Variants in KCTD16 observed in about 807,000 individuals in gnomAD.
KCTD16 encodes the protein BTB/POZ domain-containing protein KCTD16.
KCTD16 carries 13 observed loss-of-function variants against 33.2 expected under a neutral mutation model. The observed-to-expected ratio is 0.39, with a 90% CI of 0.25 to 0.62. KCTD16 has a LOEUF of 0.62. Ranked by LOEUF, KCTD16 falls within the 20% of genes least tolerant of loss-of-function variation. The probability of loss-of-function intolerance (pLI) is 0.50; values close to 1 mark genes in which losing one functional copy is unlikely to be tolerated. For missense variants in KCTD16, 441 were observed against 525.1 expected, an observed-to-expected ratio of 0.84 and a Z score of 1.57; for synonymous variants, 197 against 195.3, an observed-to-expected ratio of 1.01 and a Z score of -0.07.
At chr5:144,173,338 A>G (rs748731615) in intron 1 of KCTD16, among the ~76,000 whole-genome samples, 3 of 152,210 alleles carry the variant, frequency 2.0e-5, no homozygotes, top group Non-Finnish European at 2.9e-5. Flanking sequence ...GCAGGGACAT[A>G]GATGGAGCTG....
At chr5:144,424,258 C>T (rs1005708274) in intron 3 of KCTD16, among the ~76,000 whole-genome samples, 17 of 152,072 alleles carry the variant, frequency 1.1e-4, no homozygotes, top group Admixed American at 7.2e-4. Context: ...TCTAAGTGGC[C>T]GGTGAAACAT....
chr5:144,350,504 C>T (rs565907684), intron 3 of KCTD16, among the ~76,000 whole-genome samples: 1 of 152,000 alleles, frequency 6.6e-6, no homozygotes, highest in Non-Finnish European at 1.5e-5. Context: ...CCCCAAATTC[C>T]CTGGTAAATA....
intron 3 of KCTD16, among the ~76,000 whole-genome samples, chr5:144,257,497 T>A (rs1326514216): frequency 6.7e-6 from 1 of 149,866 alleles, no homozygotes; most frequent in African/African-American, 2.4e-5. Context: ...CATAGTTTCT[T>A]TTTTTTTTTG....
chr5:144,375,575 C>T (rs1220079631), intron 3 of KCTD16, among the ~76,000 whole-genome samples: 1 of 152,086 alleles, frequency 6.6e-6, no homozygotes, highest in Non-Finnish European at 1.5e-5. Flanking sequence ...CTGGAAATAC[C>T]AGATGGGTGG....
chr5:144,285,890 A>G (rs1755730647), intron 3 of KCTD16, among the ~76,000 whole-genome samples: 1 of 152,000 alleles, frequency 6.6e-6, no homozygotes. Flanking sequence ...TCTAAGATGC[A>G]CAGAATTTTT....
At chr5:144,337,876 C>T (rs1243739140) in intron 3 of KCTD16, among the ~76,000 whole-genome samples, 2 of 152,114 alleles carry the variant, frequency 1.3e-5, no homozygotes, top group Non-Finnish European at 2.9e-5. Context: ...TTGCCACTTA[C>T]TGTGTAGCTT....
intron 3 of KCTD16, among the ~76,000 whole-genome samples, chr5:144,378,654 T>C (rs1752145344): frequency 6.6e-6 from 1 of 152,200 alleles, no homozygotes; most frequent in South Asian, 2.1e-4. Context: ...GTAATTTAAA[T>C]AAGATGTTTA....
chr5:144,354,256 T>C (rs1751518236), intron 3 of KCTD16, among the ~76,000 whole-genome samples: 1 of 152,174 alleles, frequency 6.6e-6, no homozygotes, highest in Admixed American at 6.5e-5. Flanking sequence ...CTATAAGAAC[T>C]ACTACTGATA....
At chr5:144,253,502 T>G (rs1291465206) in intron 3 of KCTD16, among the ~76,000 whole-genome samples, 1 of 152,232 alleles carries the variant, frequency 6.6e-6, no homozygotes, top group Non-Finnish European at 1.5e-5. Context: ...GATAGCTTAT[T>G]TATCAAACAT....
At chr5:144,418,010 G>A (rs1373260298) in intron 3 of KCTD16, among the ~76,000 whole-genome samples, 1 of 152,048 alleles carries the variant, frequency 6.6e-6, no homozygotes, top group East Asian at 1.9e-4. Flanking sequence ...CTTCTGGTGG[G>A]CTCGTAGTCT....
At chr5:144,444,973 ATATAT>A (rs1193704168) in intron 3 of KCTD16, among the ~76,000 whole-genome samples, 1 of 149,854 alleles carries the variant, frequency 6.7e-6, no homozygotes, top group Non-Finnish European at 1.5e-5. Context: ...GTTATATTAC[ATATAT>A]TATATATGAT....
rs578123892 is a variant in KCTD16, at chr5:144,412,876, A to G, written c.833-60784A>G. Among the ~76,000 whole-genome samples, 29 of 152,318 alleles carry G rather than the reference A, an allele frequency of 1.9e-4. No homozygotes were observed. The South Asian group carries it at 6.0e-3, about 32-fold the overall frequency. ...ACTCCAGCCTGGGCCACAGAGTGAG[A>G]GAGACCCTGTCTCAAATAAATAAAT... On this transcript the variant is annotated intron_variant, in intron 3 of 3. Coordinates refer to ENST00000512467, the MANE Select transcript of KCTD16 (RefSeq NM_020768.4).
intron 3 of KCTD16, among the ~76,000 whole-genome samples, chr5:144,381,274 T>C (rs1415319506): frequency 6.6e-6 from 1 of 152,004 alleles, no homozygotes; most frequent in Non-Finnish European, 1.5e-5. Context: ...AGAATGACTA[T>C]TATTAAAAAG....
chr5:144,194,062 A>C (rs1752894609), intron 2 of KCTD16, among the ~76,000 whole-genome samples: 1 of 152,212 alleles, frequency 6.6e-6, no homozygotes, highest in Admixed American at 6.5e-5. Flanking sequence ...AGAAGAAAGC[A>C]AGGCCAAGCA....
intron 3 of KCTD16, among the ~76,000 whole-genome samples, chr5:144,375,596 CT>C (rs1752071769): frequency 6.6e-6 from 1 of 152,116 alleles, no homozygotes; most frequent in Non-Finnish European, 1.5e-5. Flanking sequence ...AACCTGAGTA[CT>C]TGAAAGGTTC....
chr5:144,334,491 A>G (rs1752431104), intron 3 of KCTD16, among the ~76,000 whole-genome samples: 1 of 152,194 alleles, frequency 6.6e-6, no homozygotes. Flanking sequence ...AACCATTTTT[A>G]TAGTATTCTT....
intron 3 of KCTD16, among the ~76,000 whole-genome samples, chr5:144,353,079 T>C (rs147908357): frequency 7.2e-5 from 11 of 152,238 alleles, no homozygotes; most frequent in Admixed American, 2.0e-4. Flanking sequence ...AGACCAGGGC[T>C]AACGTTTGCC....
intron 3 of KCTD16, among the ~76,000 whole-genome samples, chr5:144,360,459 T>A (rs1420325468): frequency 2.0e-5 from 3 of 151,338 alleles, no homozygotes; most frequent in Non-Finnish European, 4.4e-5. Context: ...TGAGATGGAA[T>A]CTCGCTCTGT....
chr5:144,284,526 G>A (rs1441362604), intron 3 of KCTD16, among the ~76,000 whole-genome samples: 1 of 152,162 alleles, frequency 6.6e-6, no homozygotes, highest in Non-Finnish European at 1.5e-5. Flanking sequence ...AATATGCTGA[G>A]TTTTTGTAGT....
Sources: allele counts gnomAD v4.1 joint callset (sites outside exome capture counted in the v4.1 genomes callset), GRCh38; gene constraint gnomAD v4.1.1; transcripts MANE v1.5; gene names NCBI Gene and HGNC (gene_info 2026-07-23, HGNC 2026-07-21).